PLEKHH1: variants seen among roughly 807,000 people sequenced by gnomAD.
The protein encoded by PLEKHH1 is pleckstrin homology domain-containing family H member 1.
Under a neutral mutation model 160.0 loss-of-function variants are expected in PLEKHH1, and 104 were observed. The observed-to-expected ratio is 0.65, with a 90% confidence interval of 0.55 to 0.76. The LOEUF (loss-of-function observed/expected upper bound fraction) is 0.76. Ranked by LOEUF, PLEKHH1 falls within the 30% of genes least tolerant of loss-of-function variation. PLEKHH1 has a pLI of 0.00. For missense variants in PLEKHH1, 1,427 were observed against 1,724.1 expected, an observed-to-expected ratio of 0.83 and a Z score of 3.05; for synonymous variants, 619 against 678.4, an observed-to-expected ratio of 0.91 and a Z score of 1.36.
intron 2 of PLEKHH1, among the ~76,000 whole-genome samples, chr14:67,547,605 G>T (rs918959844): frequency 4.6e-5 from 7 of 152,094 alleles, no homozygotes; most frequent in African/African-American, 1.7e-4. Context: ...CATTACATGG[G>T]CTGATGACTG....
rs562939252 is a variant in PLEKHH1, at chr14:67,586,265, C to T, written c.3933+168C>T. The T allele has an allele frequency of 3.2e-5, 35 of 1,085,858 alleles. No individual in the cohort carries two copies. The East Asian group carries it at 4.5e-4, about 14-fold the overall frequency. The allele number at this position is 1,085,858 out of a possible 1,614,324, so 67.3% of individuals were successfully genotyped here. ...AAAGGTTCAGGTGGTGTTGCATCTC[C>T]GTATCAATGTTCAGCTAGTAGGTAA... On this transcript the variant is annotated intron_variant, in intron 28 of 28. Coordinates refer to ENST00000329153, the MANE Select transcript of PLEKHH1 (RefSeq NM_020715.3).
Position 67,571,764 on chromosome 14 carries a change from A to G in PLEKHH1, c.1447A>G (p.Ile483Val), listed in dbSNP as rs1165100588. ...YTALKGRATQ[I>V]SNMPFMDESS... ...GCCTGTCTTGCAGAGAGCTACACAG[A>G]TCAGCAACATGCCCTTTATGGACGA... is the stretch of plus-strand genomic sequence containing the variant. The change falls in exon 10 of 29, where the codon ATC becomes GTC. Residue 483 changes from isoleucine (I) to valine (V), a missense_variant. By Grantham distance (29) the Ile-to-Val change is conservative. This residue lies in a region of PLEKHH1 where 831 missense variants were observed against 929.2 expected (regional missense o/e 0.89). Transcript: ENST00000329153. 2 of 1,613,942 alleles carry G rather than the reference A, an allele frequency of 1.2e-6. No individual in the cohort carries two copies. The highest frequency in any genetic ancestry group is 8.5e-7 in the Non-Finnish European group (1 of 1,179,858).
chr14:67,550,081 C>G (rs1280976927), intron 2 of PLEKHH1, among the ~76,000 whole-genome samples: 1 of 151,320 alleles, frequency 6.6e-6, no homozygotes, highest in Non-Finnish European at 1.5e-5. Context: ...AGCCCTTTCT[C>G]TTCCCAGCTC....
chr14:67,560,362 T>C lies in PLEKHH1; in HGVS notation c.423+671T>C, dbSNP rs566566730. 9.8e-5 allele frequency among the ~76,000 whole-genome samples: 15 copies of C among 152,318 alleles called. No homozygotes were observed. The South Asian group carries it at 3.1e-3, about 32-fold the overall frequency. ...CCATCCTCTTCATTCTTTTTAACTA[T>C]TTGTGTGTGTGTGGTAAAATATACA... On this transcript the variant is annotated intron_variant, in intron 5 of 28. Transcript: ENST00000329153.
At chr14:67,548,795 G>A (rs551913667) in intron 2 of PLEKHH1, among the ~76,000 whole-genome samples, 20 of 152,206 alleles carry the variant, frequency 1.3e-4, no homozygotes, top group Non-Finnish European at 2.2e-4. Context: ...CAGTTCCAGT[G>A]CAACCATGTG....
At chr14:67,555,064 C>T (rs866692164) in intron 2 of PLEKHH1, among the ~76,000 whole-genome samples, 9 of 152,044 alleles carry the variant, frequency 5.9e-5, no homozygotes, top group South Asian at 2.1e-4. Flanking sequence ...AGGCGCACAC[C>T]GCCACGCTCA....
intron 2 of PLEKHH1, among the ~76,000 whole-genome samples, chr14:67,554,326 T>C (rs931462581): frequency 1.3e-5 from 2 of 152,110 alleles, no homozygotes; most frequent in African/African-American, 4.8e-5. Context: ...CTGGTAAATA[T>C]CAGCTAGGGT....
At position 67,569,114 on chromosome 14, in the gene PLEKHH1, G is replaced by A. The variant is rs2035247066; in HGVS notation, c.1264-24G>A. 1.9e-6 allele frequency: 3 copies of A among 1,564,692 alleles called. No homozygotes were observed. The East Asian group carries it at 6.7e-5, about 35-fold the overall frequency. On this transcript the variant is annotated intron_variant, in intron 7 of 28. Transcript: ENST00000329153. ...GGATGGGCATCATGCCGGGCCCTGAGCTTCCTGAGACCTCTTGTTTCAGGA... is the reference window on the plus strand; with the variant it reads ...GGATGGGCATCATGCCGGGCCCTGAACTTCCTGAGACCTCTTGTTTCAGGA...
rs757553698 is a variant in PLEKHH1 at position 67,562,568 on chromosome 14, C to G, written c.937C>G (p.Pro313Ala). Residue 313 changes from proline to alanine, a missense_variant, in exon 7 of 29, where the codon CCA becomes GCA. Pro to Ala is a conservative substitution (Grantham distance 27). This residue lies in a region of PLEKHH1 where 831 missense variants were observed against 929.2 expected (regional missense o/e 0.89). Transcript: ENST00000329153. The part of the protein sequence containing the change: ...EGGPGSSLTL[P>A]KVRAPGTPRD... ...TGGTCCTGGCAGCAGTCTGACCCTACCAAAGGTGCGGGCTCCTGGCACCCC... is the reference window on the plus strand; with the variant it reads ...TGGTCCTGGCAGCAGTCTGACCCTAGCAAAGGTGCGGGCTCCTGGCACCCC... 1 of 1,612,232 alleles carries G rather than the reference C, an allele frequency of 6.2e-7. No homozygotes were observed. Among genetic ancestry groups the G allele is most frequent in the South Asian group, 1.1e-5 (1 of 90,932 alleles).
chr14:67,580,308 C>T (rs1343558949), intron 22 of PLEKHH1: 1 of 172,566 alleles, frequency 5.8e-6, no homozygotes, highest in African/African-American at 2.4e-5. Context: ...TAGGTTGAAC[C>T]ACACTTTTAA....
rs1698562160 is a variant in PLEKHH1 at position 67,562,769 on chromosome 14, G to A, written c.1138G>A (p.Glu380Lys). ...SREEPEKMEM[E>K]EPPPAGKNEE... ...GGAGGAACCAGAGAAGATGGAGATG[G>A]AGGAGCCACCCCCAGCAGGGAAGAA... The change falls in exon 7 of 29, where the codon GAG (glutamate) becomes AAG (lysine). Residue 380 changes from glutamate to lysine, a missense_variant. This residue lies in a region of PLEKHH1 where 831 missense variants were observed against 929.2 expected (regional missense o/e 0.89). Transcript: ENST00000329153. 1 of 1,613,868 alleles carries A rather than the reference G, an allele frequency of 6.2e-7. No homozygotes were observed.
intron 27 of PLEKHH1, 110 bp from the exon 28 acceptor site, chr14:67,585,841 A>G: frequency 8.3e-7 from 1 of 1,200,050 alleles, no homozygotes; most frequent in Non-Finnish European, 1.2e-6. Flanking sequence ...CCAAATTATG[A>G]CCACTTGGGA....
In PLEKHH1 at chr14:67,581,822, A is replaced by G. The variant is rs1225595762; in HGVS notation, c.3285-247A>G. 3 of 447,626 alleles carry G rather than the reference A, an allele frequency of 6.7e-6. No homozygotes were observed. The East Asian group carries it at 1.3e-4, about 19-fold the overall frequency. 27.7% of individuals were successfully genotyped at this position (447,626 alleles called of 1,614,324 possible). On this transcript the variant is annotated intron_variant, in intron 23 of 28. Coordinates refer to ENST00000329153, the MANE Select transcript of PLEKHH1 (RefSeq NM_020715.3). ...CCAGGTACCAGATTTCCCTTACTAA[A>G]TCCAGTAAGCTTAATGGTATCTTCA... is the stretch of plus-strand genomic sequence containing the variant.
intron 5 of PLEKHH1, among the ~76,000 whole-genome samples, chr14:67,560,454 C>T (rs1255924917): frequency 2.0e-5 from 3 of 152,214 alleles, no homozygotes; most frequent in African/African-American, 7.2e-5. Flanking sequence ...CAGTGTTGTG[C>T]AGCCATCACT....
chr14:67,561,774 G>C (rs1478129572), intron 5 of PLEKHH1, among the ~76,000 whole-genome samples, 180 bp from the exon 6 acceptor site: 1 of 151,846 alleles, frequency 6.6e-6, no homozygotes, highest in Non-Finnish European at 1.5e-5. Flanking sequence ...GGAGGCTGAG[G>C]TGGGAGGATC....
Position 67,586,027 on chromosome 14 carries a change from G to C in PLEKHH1, c.3863G>C (p.Arg1288Thr), listed in dbSNP as rs766474283. Residue 1288 changes from arginine to threonine, a missense_variant, in exon 28 of 29, where the codon AGA (arginine) becomes ACA (threonine). This residue lies in a region of PLEKHH1 where 96 missense variants were observed against 97.6 expected (regional missense o/e 0.98). Coordinates refer to ENST00000329153, the MANE Select transcript of PLEKHH1 (RefSeq NM_020715.3). Reference sequence around the variant, plus strand: ...AGGGATGACTTCATGCTTGTGATTAGATCTATCCCAGACAAGAGCTCTGGA... The same window carrying C: ...AGGGATGACTTCATGCTTGTGATTACATCTATCCCAGACAAGAGCTCTGGA... Reference protein sequence around the residue: ...GCRDDFMLVIRSIPDKSSGKS... With the variant: ...GCRDDFMLVITSIPDKSSGKS... The C allele has an allele frequency of 1.6e-5, 26 of 1,613,824 alleles. No homozygotes were observed. In the South Asian group the frequency reaches 2.4e-4, roughly 15 times the overall value.
At position 67,559,635 on chromosome 14, in the gene PLEKHH1, A is replaced by T. The variant is rs2042300803; in HGVS notation, c.367A>T (p.Thr123Ser). 3.7e-6 allele frequency: 6 copies of T among 1,603,952 alleles called. No homozygotes were observed. The highest frequency in any genetic ancestry group is 5.1e-6 in the Non-Finnish European group (6 of 1,175,362). The part of the protein sequence containing the change: ...QKQMRAEEAK[T>S]VQEKAAKIKE... ...GCAGATGAGGGCAGAGGAAGCAAAA[A>T]CTGTTCAAGAAAAAGCTGCAAAGAT... Residue 123 changes from threonine to serine, a missense_variant, in exon 5 of 29, where the codon ACT (threonine) becomes TCT (serine). Thr to Ser is a moderately conservative substitution (Grantham distance 58). Transcript: ENST00000329153.
At position 67,586,580 on chromosome 14, in the gene PLEKHH1, CTT is replaced by C. The variant is rs1300895104; in HGVS notation, c.3933+485_3933+486del. On this transcript the variant is annotated intron_variant, in intron 28 of 28. Transcript: ENST00000329153. ...AAAAAGACCTCTTTTGCTTTAGTGA[CTT>C]TGTTCCTACTCAATACAGGAAGTGT... The C allele has an allele frequency of 6.0e-6, 3 of 498,724 alleles. No homozygotes were observed. In the Admixed American group the frequency reaches 7.7e-5, roughly 13 times the overall value. The allele number at this position is 498,724 out of a possible 1,614,324, so 30.9% of individuals were successfully genotyped here.
chr14:67,566,034 G>A (rs184666470), intron 7 of PLEKHH1, among the ~76,000 whole-genome samples: 2 of 152,296 alleles, frequency 1.3e-5, no homozygotes, highest in South Asian at 2.1e-4. Flanking sequence ...CAGTAGAATC[G>A]CTTGAACCCA....
Sources: allele counts gnomAD v4.1 joint callset (sites outside exome capture counted in the v4.1 genomes callset), GRCh38; gene constraint gnomAD v4.1.1; regional missense constraint gnomAD v4.1.1; transcripts MANE v1.5; gene names NCBI Gene and HGNC (gene_info 2026-07-23, HGNC 2026-07-21).